Variants in SET observed in about 807,000 individuals in gnomAD.
SET encodes the protein SET nuclear proto-oncogene.
In SET, 4 loss-of-function variants were observed where a neutral mutation model predicts 39.0. The ratio of observed to expected loss-of-function variants is 0.10; its 90% CI spans 0.05 to 0.23. The LOEUF is 0.23. Among genes scored for constraint, SET ranks in the 10% least tolerant of loss-of-function variants. The pLI is 1.00. For synonymous variants in SET, 114 were observed against 115.9 expected (o/e 0.98, Z 0.11); for missense variants, 137 against 329.7 (o/e 0.42, Z 4.53).
At chr9:128,687,909 T>G (rs751786724), upstream of SET, among the ~76,000 whole-genome samples, 2 of 151,994 alleles carry the variant, frequency 1.3e-5, no homozygotes, top group Non-Finnish European at 2.9e-5. Flanking sequence ...TTGGCCAGCG[T>G]ATCACTAAAA....
chr9:128,686,036 A>G (rs1861275058), upstream of SET, among the ~76,000 whole-genome samples: 1 of 151,848 alleles, frequency 6.6e-6, no homozygotes, highest in Admixed American at 6.6e-5. Flanking sequence ...CAACAAAAAA[A>G]AAAACAACCA....
intron 1 of SET, chr9:128,689,976 T>G: frequency 9.9e-7 from 1 of 1,007,358 alleles, no homozygotes. Context: ...CTCTCTTTAT[T>G]GTGCTCCGCC....
upstream of SET, among the ~76,000 whole-genome samples, chr9:128,687,501 A>G (rs1249329164): frequency 6.6e-6 from 1 of 151,856 alleles, no homozygotes; most frequent in Non-Finnish European, 1.5e-5. Flanking sequence ...CTAGCAACTC[A>G]GGATGCTGAG....
upstream of SET, among the ~76,000 whole-genome samples, chr9:128,687,617 C>CAAAAA (rs57072661): frequency 3.8e-5 from 3 of 79,680 alleles, no homozygotes; most frequent in Non-Finnish European, 7.9e-5. Flanking sequence ...CCTCCCCCAC[C>CAAAAA]AAAAAAAAAA....
In SET at chr9:128,695,897, A is replaced by G. The variant is rs1353353465; in HGVS notation, c.*1233A>G. The stretch of plus-strand genomic sequence containing the variant: ...TAATTGTGCCTGCCACCACCATCCA[A>G]CAGACCTGGTGCTCTAATGCCAAGT... On this transcript the variant is annotated 3_prime_UTR_variant, in exon 8 of 8. Transcript: ENST00000322030. 4.4e-6 allele frequency: 1 copy of G among 227,654 alleles called. No homozygotes were observed. Among genetic ancestry groups the G allele is most frequent in the Non-Finnish European group, 8.8e-6 (1 of 114,118 alleles). 14.1% of individuals were successfully genotyped at this position (227,654 alleles called of 1,614,324 possible). A position where few individuals can be genotyped will look rare whatever the true frequency, so the allele number is the denominator to read the frequency against.
chr9:128,691,268 A>G, intron 2 of SET, 41 bp downstream of exon 2: 2 of 1,236,118 alleles, frequency 1.6e-6, no homozygotes, highest in East Asian at 4.6e-5. Context: ...ATTTTCTGAG[A>G]TGTGTCTAAT....
chr9:128,686,438 A>G (rs937643966), upstream of SET, among the ~76,000 whole-genome samples: 1 of 152,158 alleles, frequency 6.6e-6, no homozygotes, highest in Non-Finnish European at 1.5e-5. Flanking sequence ...TAAGGCACTT[A>G]GGAGACATTG....
chr9:128,696,129 C>T lies in SET; in HGVS notation c.*1465C>T, dbSNP rs1359995246. On this transcript the variant is annotated 3_prime_UTR_variant, in exon 8 of 8. Transcript: ENST00000322030. ...CATTGTGCAGAGAAGCACCCTAATG[C>T]ATAAGCTTTTTAATGCTGTAAAATA... 1.4e-5 allele frequency: 3 copies of T among 218,668 alleles called. No homozygotes were observed. The highest frequency in any genetic ancestry group is 1.9e-5 in the Non-Finnish European group (2 of 107,720). 13.5% of individuals were successfully genotyped at this position (218,668 alleles called of 1,614,324 possible).
exon 1 of SET, chr9:128,683,855 CG>C: frequency 3.3e-6 from 5 of 1,503,990 alleles, no homozygotes; most frequent in Non-Finnish European, 4.5e-6. Context: ...TCCGGACGGG[CG>C]AGGAGACTCG....
upstream of SET, among the ~76,000 whole-genome samples, chr9:128,686,575 T>C (rs1413254798): frequency 1.3e-5 from 2 of 152,080 alleles, no homozygotes; most frequent in African/African-American, 4.8e-5. Flanking sequence ...GTGACCTGCA[T>C]TTTAAATAGG....
intron 1 of SET, chr9:128,689,970 CTTTA>C (rs1861459718): frequency 1.1e-6 from 1 of 909,452 alleles, no homozygotes; most frequent in Non-Finnish European, 1.3e-6. Context: ...AGAAGCCTCT[CTTTA>C]TTGTGCTCCG....
Position 128,693,825 on chromosome 9 carries a change from A to G in SET, c.663+17A>G, listed in dbSNP as rs1480791680. Reference sequence around the variant, plus strand: ...TACTACTTGGTGAGTTCTAATACTCATTTATTCAAGGTTGGACTTGTCTCG... The same window carrying G: ...TACTACTTGGTGAGTTCTAATACTCGTTTATTCAAGGTTGGACTTGTCTCG... On this transcript the variant is annotated intron_variant, in intron 6 of 7. Coordinates refer to ENST00000322030, the MANE Select transcript of SET (RefSeq NM_003011.4). The G allele has an allele frequency of 1.2e-6, 2 of 1,609,650 alleles. No individual in the cohort carries two copies. Among genetic ancestry groups the G allele is most frequent in the Admixed American group, 1.7e-5 (1 of 59,160 alleles).
chr9:128,694,619 A>C, intron 7 of SET, 22 bp from the exon 8 acceptor site: 1 of 1,557,192 alleles, frequency 6.4e-7, no homozygotes, highest in Non-Finnish European at 8.8e-7. Flanking sequence ...CCTGAAGATT[A>C]ACTGCCCACT....
At chr9:128,689,076 C>G (rs1302575768), upstream of SET, 1 of 164,030 alleles carries the variant, frequency 6.1e-6, no homozygotes, top group Admixed American at 6.6e-5. Flanking sequence ...GCGCCTTCCT[C>G]CCACCTCTCG....
At chr9:128,688,945 C>A (rs1861382412), upstream of SET, among the ~76,000 whole-genome samples, 1 of 151,766 alleles carries the variant, frequency 6.6e-6, no homozygotes, top group Admixed American at 6.6e-5. Context: ...CGGCCGGGGG[C>A]ACCCGCGCCT....
chr9:128,696,190 GA>G lies in SET; in HGVS notation c.*1528del, dbSNP rs1861733104. The G allele has an allele frequency of 4.8e-6, 1 of 210,050 alleles. No individual in the cohort carries two copies. Among genetic ancestry groups the G allele is most frequent in the South Asian group, 1.9e-4 (1 of 5,334 alleles). The allele number at this position is 210,050 out of a possible 1,614,324, so 13.0% of individuals were successfully genotyped here. ...AATTAAATGCCACTTTTTCAGAGGT[GA>G]ATTAATGGACAGTCTGGTGAACTTC... On this transcript the variant is annotated 3_prime_UTR_variant, in exon 8 of 8. Transcript: ENST00000322030.
At chr9:128,685,172 G>T (rs767502155), upstream of SET, 34 of 1,596,414 alleles carry the variant, frequency 2.1e-5, no homozygotes, top group African/African-American at 4.0e-5. Flanking sequence ...CTCCACATGG[G>T]ATGCAGAGAC....
At chr9:128,685,020 T>C, upstream of SET, 2 of 1,464,440 alleles carry the variant, frequency 1.4e-6, no homozygotes, top group African/African-American at 1.4e-5. Context: ...TGGGTGTGGA[T>C]AGGCCCAGGG....
At chr9:128,693,394 AT>A (rs1458625034) in intron 5 of SET, among the ~76,000 whole-genome samples, 1 of 152,176 alleles carries the variant, frequency 6.6e-6, no homozygotes, top group Non-Finnish European at 1.5e-5. Context: ...TAGTTTAGAT[AT>A]TTATACTGTG....
Sources: gnomAD v4.1 joint callset for allele counts (sites outside exome capture counted in the v4.1 genomes callset) on GRCh38, gnomAD v4.1.1 for gene constraint, MANE v1.5 for transcripts, NCBI Gene and HGNC (gene_info 2026-07-23, HGNC 2026-07-21) for gene names.